RSU1: variants seen among roughly 807,000 people sequenced by gnomAD.
RSU1 encodes the protein Ras suppressor protein 1.
RSU1 carries 26 observed loss-of-function variants against 31.1 expected under a neutral mutation model. The observed-to-expected ratio is 0.84, with a 90% CI of 0.61 to 1.16. The LOEUF (loss-of-function observed/expected upper bound fraction) is 1.16. RSU1 is among the 50% of genes most tolerant of loss of function. RSU1 has a pLI of 0.00. For missense variants in RSU1, 320 were observed against 339.1 expected (o/e 0.94, Z 0.44); for synonymous variants, 164 against 136.3 (o/e 1.20, Z -1.41).
At chr10:16,685,227 G>A (rs1835419470) in intron 8 of RSU1, among the ~76,000 whole-genome samples, 1 of 152,184 alleles carries the variant, frequency 6.6e-6, no homozygotes, top group Non-Finnish European at 1.5e-5. Context: ...TCCAGCCTGG[G>A]CAACAGAGCG....
chr10:16,780,785 G>GA (rs1358581310), intron 3 of RSU1, among the ~76,000 whole-genome samples: 1 of 152,158 alleles, frequency 6.6e-6, no homozygotes, highest in East Asian at 1.9e-4. Context: ...CCATTTCCCA[G>GA]AAAAACAATG....
chr10:16,751,941 G>C (rs1432803169), intron 7 of RSU1, among the ~76,000 whole-genome samples: 1 of 152,134 alleles, frequency 6.6e-6, no homozygotes, highest in Non-Finnish European at 1.5e-5. Context: ...CTGGAAATAG[G>C]AACGACCTGG....
At chr10:16,682,383 T>A (rs777619557) in intron 8 of RSU1, among the ~76,000 whole-genome samples, 5 of 152,204 alleles carry the variant, frequency 3.3e-5, no homozygotes, top group Non-Finnish European at 5.9e-5. Flanking sequence ...GGGAGTGTCC[T>A]GATATCCCGA....
chr10:16,595,762 A>G (rs1359610337), intron 8 of RSU1, among the ~76,000 whole-genome samples: 1 of 152,022 alleles, frequency 6.6e-6, no homozygotes, highest in Non-Finnish European at 1.5e-5. Flanking sequence ...AGGTCAAGAG[A>G]TGGAGACCAT....
chr10:16,682,645 T>G (rs528068695), intron 8 of RSU1, among the ~76,000 whole-genome samples: 2 of 151,134 alleles, frequency 1.3e-5, no homozygotes, highest in East Asian at 3.9e-4. Flanking sequence ...GTCTCTGGAG[T>G]AGCTGTTCTT....
intron 8 of RSU1, among the ~76,000 whole-genome samples, chr10:16,610,954 G>C (rs765030213): frequency 6.6e-6 from 1 of 152,166 alleles, no homozygotes; most frequent in Admixed American, 6.5e-5. Context: ...ATATTGGAAA[G>C]GTTTTTAAGC....
chr10:16,810,099 C>T (rs1209160878), intron 2 of RSU1, among the ~76,000 whole-genome samples: 1 of 151,960 alleles, frequency 6.6e-6, no homozygotes, highest in Non-Finnish European at 1.5e-5. Flanking sequence ...AGCATGGTAG[C>T]TGGCACCTGT....
At chr10:16,810,533 C>G (rs1026395121) in intron 2 of RSU1, among the ~76,000 whole-genome samples, 4 of 152,110 alleles carry the variant, frequency 2.6e-5, no homozygotes, top group Admixed American at 2.6e-4. Context: ...TCCTCTTGAC[C>G]CTAGCACACT....
chr10:16,594,086 T>G (rs1046543891), intron 8 of RSU1, among the ~76,000 whole-genome samples: 2 of 152,218 alleles, frequency 1.3e-5, no homozygotes, highest in African/African-American at 4.8e-5. Context: ...CTGAGAGGAT[T>G]TAACTGAACA....
At chr10:16,674,144 T>C (rs1588707419) in intron 8 of RSU1, among the ~76,000 whole-genome samples, 1 of 152,044 alleles carries the variant, frequency 6.6e-6, no homozygotes, top group East Asian at 1.9e-4. Context: ...AAAGCGTCTG[T>C]TTTTGTTTTG....
rs1835795496 is a variant in RSU1 at position 16,701,606 on chromosome 10, A to G, written c.599-6451T>C. Among the ~76,000 whole-genome samples, 6 of 145,380 alleles carry G rather than the reference A, an allele frequency of 4.1e-5. No individual in the cohort carries two copies. In the Admixed American group the frequency reaches 4.2e-4, roughly 10 times the overall value. ...CTCTTCGGATCTAGTCGGGGAAGATAGTACAACTTACACACACACACACAC... is the reference window on the plus strand; with the variant it reads ...CTCTTCGGATCTAGTCGGGGAAGATGGTACAACTTACACACACACACACAC... On this transcript the variant is annotated intron_variant, in intron 7 of 8. Coordinates refer to ENST00000345264, the MANE Select transcript of RSU1 (RefSeq NM_012425.4).
chr10:16,714,246 A>G (rs984650346), intron 7 of RSU1, among the ~76,000 whole-genome samples: 1 of 152,186 alleles, frequency 6.6e-6, no homozygotes, highest in Non-Finnish European at 1.5e-5. Context: ...TGCCAGCTGC[A>G]CATAGGTGCA....
At chr10:16,705,470 T>A (rs1426512522) in intron 7 of RSU1, among the ~76,000 whole-genome samples, 1 of 152,084 alleles carries the variant, frequency 6.6e-6, no homozygotes, top group South Asian at 2.1e-4. Context: ...GTTCTGCTAT[T>A]TTTGTTTTTT....
At chr10:16,652,235 A>G (rs1028652980) in intron 8 of RSU1, among the ~76,000 whole-genome samples, 5 of 152,146 alleles carry the variant, frequency 3.3e-5, no homozygotes, top group African/African-American at 4.8e-5. Context: ...TAAACAAAAC[A>G]AAACGAAAAA....
At chr10:16,763,213 G>A (rs1325294062) in intron 4 of RSU1, among the ~76,000 whole-genome samples, 1 of 152,138 alleles carries the variant, frequency 6.6e-6, no homozygotes, top group East Asian at 1.9e-4. Flanking sequence ...TGGGGTCTAT[G>A]GATCTATTTG....
At chr10:16,637,034 C>T (rs1000772040) in intron 8 of RSU1, among the ~76,000 whole-genome samples, 2 of 152,162 alleles carry the variant, frequency 1.3e-5, no homozygotes, top group Non-Finnish European at 2.9e-5. Context: ...AATAAAAAAA[C>T]GGCTATGCTT....
intron 2 of RSU1, among the ~76,000 whole-genome samples, chr10:16,801,858 T>C (rs1838162520): frequency 6.6e-6 from 1 of 152,186 alleles, no homozygotes; most frequent in African/African-American, 2.4e-5. Context: ...TTATCAGAAT[T>C]TGTGAACTGC....
At position 16,695,030 on chromosome 10, in the gene RSU1, A is replaced by G. The variant is rs766378061; in HGVS notation, c.724T>C (p.Tyr242His). 7 of 1,609,916 alleles carry G rather than the reference A, an allele frequency of 4.3e-6. No homozygotes were observed. Among genetic ancestry groups the G allele is most frequent in the South Asian group, 2.2e-5 (2 of 90,582 alleles). Reference sequence around the variant, plus strand: ...AAATCAGAGTCTACTTACTATTTGTATGTCTCAGAACGGATATACTCAAAA... The same window carrying G: ...AAATCAGAGTCTACTTACTATTTGTGTGTCTCAGAACGGATATACTCAAAA... ...HVFEYIRSET[Y>H]KYLYGRHMQA... Residue 242 changes from tyrosine (Y) to histidine (H), a missense_variant, in exon 8 of 9, where the codon TAC becomes CAC. Transcript: ENST00000345264.
At chr10:16,787,707 T>G (rs1475557123) in intron 2 of RSU1, among the ~76,000 whole-genome samples, 1 of 152,160 alleles carries the variant, frequency 6.6e-6, no homozygotes. Flanking sequence ...CCTGCCCCCA[T>G]GTAAGATGTC....
Sources: gnomAD v4.1 joint callset for allele counts (sites outside exome capture counted in the v4.1 genomes callset) on GRCh38, gnomAD v4.1.1 for gene constraint, MANE v1.5 for transcripts, NCBI Gene and HGNC (gene_info 2026-07-23, HGNC 2026-07-21) for gene names.